Variants in RPS6KB2 observed in about 807,000 individuals in gnomAD.
The protein encoded by RPS6KB2 is ribosomal protein S6 kinase B2.
Under a neutral mutation model 58.2 loss-of-function variants are expected in RPS6KB2, and 51 were observed. The observed-to-expected ratio is 0.88, with a 90% CI of 0.70 to 1.11. The LOEUF is 1.11. Ranked by LOEUF, RPS6KB2 falls within the 50% of genes least tolerant of loss-of-function variation. The probability of loss-of-function intolerance (pLI) is 0.00; values close to 1 mark genes in which losing one functional copy is unlikely to be tolerated. For missense variants in RPS6KB2, 671 were observed against 655.8 expected, an observed-to-expected ratio of 1.02 and a Z score of -0.25; for synonymous variants, 293 against 258.6, an observed-to-expected ratio of 1.13 and a Z score of -1.28.
rs551837889 is a variant in RPS6KB2, at chr11:67,431,092, G to C, written c.310-276G>C. On this transcript the variant is annotated intron_variant, in intron 4 of 14. Transcript: ENST00000312629. Reference sequence around the variant, plus strand: ...TCTGTCACCCAGGCTGGAGTGCAGTGGCGTGATCTCAGCTCACTGCAACCT... The same window carrying C: ...TCTGTCACCCAGGCTGGAGTGCAGTCGCGTGATCTCAGCTCACTGCAACCT... 1.3e-5 allele frequency: 3 copies of C among 230,364 alleles called. No homozygotes were observed. The East Asian group carries it at 3.1e-4, about 24-fold the overall frequency. The allele number at this position is 230,364 out of a possible 1,614,324, so 14.3% of individuals were successfully genotyped here.
In RPS6KB2 at chr11:67,434,568, C is replaced by T. The variant is rs756647984; in HGVS notation, c.1156-14C>T. The T allele has an allele frequency of 6.3e-7, 1 of 1,597,968 alleles. No homozygotes were observed. Among genetic ancestry groups the T allele is most frequent in the Non-Finnish European group, 8.5e-7 (1 of 1,172,762 alleles). On this transcript the variant is annotated splice_polypyrimidine_tract_variant and intron_variant, in intron 13 of 14. Transcript: ENST00000312629. ...AGGCACTGAGTGTCGCATGGCCCTG[C>T]CTCCGCCCCCCAGGGCTTCACATAC... is the stretch of plus-strand genomic sequence containing the variant.
At chr11:67,431,029 A>ATTTT (rs60580998) in intron 4 of RPS6KB2, 5 of 128,642 alleles carry the variant, frequency 3.9e-5, no homozygotes, top group South Asian at 1.9e-4. Context: ...GGTTGCCCCC[A>ATTTT]TTTTTTTTTT....
Position 67,435,040 on chromosome 11 carries a change from G to A in RPS6KB2, c.1320G>A (p.Pro440=), listed in dbSNP as rs770326531. 65 of 1,613,114 alleles carry A rather than the reference G, an allele frequency of 4.0e-5. 1 individual carries two copies. The South Asian group carries it at 4.7e-4, about 12-fold the overall frequency. Residue 440 remains proline, a synonymous_variant, in exon 15 of 15, where the codon CCG becomes CCA. Coordinates refer to ENST00000312629, the MANE Select transcript of RPS6KB2 (RefSeq NM_003952.3). ...GGTTTCGGCCCAGCCCCAGCCTGCC[G>A]GAGCCCACGGAGCTACCTCTACCTC... is the stretch of plus-strand genomic sequence containing the variant. The part of the protein sequence containing the change: ...FEGFRPSPSL[P]EPTELPLPPL...
In RPS6KB2 at chr11:67,434,257, C is replaced by G; in HGVS notation, c.1029C>G (p.Pro343=). The G allele has an allele frequency of 2.5e-6, 4 of 1,613,626 alleles. No individual in the cohort carries two copies. In the South Asian group the frequency reaches 4.4e-5, roughly 18 times the overall value. The change falls in exon 12 of 15, where the codon CCC becomes CCG. Residue 343 remains proline, a synonymous_variant. Transcript: ENST00000312629. ...ACCTTCTGGCCTGGCGTGTGGACCC[C>G]CCTTTCAGGCCCTGTCTGGTGAGCA... is the stretch of plus-strand genomic sequence containing the variant. The part of the protein sequence containing the change: ...WDDLLAWRVD[P]PFRPCLQSEE...
In RPS6KB2 at chr11:67,434,214, G is replaced by A. The variant is rs536484524; in HGVS notation, c.986G>A (p.Arg329Gln). 4.3e-5 allele frequency: 70 copies of A among 1,613,982 alleles called. No homozygotes were observed. Among genetic ancestry groups the A allele is most frequent in the East Asian group, 6.7e-5 (3 of 44,882 alleles). Residue 329 changes from arginine (R) to glutamine (Q), a missense_variant, in exon 12 of 15, where the codon CGG (arginine) becomes CAG (glutamine). By Grantham distance (43) the Arg-to-Gln change is conservative. Transcript: ENST00000312629. ...AADVQRHPFF[R>Q]HMNWDDLLAW... ...TACCTACAGAGACATCCCTTTTTCC[G>A]GCACATGAATTGGGACGACCTTCTG...
intron 4 of RPS6KB2, 199 bp downstream of exon 4, chr11:67,429,794 C>A (rs949749775): frequency 2.4e-5 from 14 of 582,218 alleles, no homozygotes; most frequent in Non-Finnish European, 3.7e-5. Flanking sequence ...AGACATTTGA[C>A]AACAGTGTCT....
intron 3 of RPS6KB2, 87 bp from the exon 4 acceptor site, chr11:67,429,440 C>A (rs914963968): frequency 4.1e-6 from 6 of 1,453,838 alleles, no homozygotes; most frequent in Non-Finnish European, 4.8e-6. Context: ...CCTAGGCCTC[C>A]TGATCCCAAA....
Position 67,433,437 on chromosome 11 carries a change from T to G in RPS6KB2, c.896T>G (p.Leu299Arg). Residue 299 changes from leucine to arginine, a missense_variant, in exon 10 of 15, where the codon CTT (leucine) becomes CGT (arginine). Coordinates refer to ENST00000312629, the MANE Select transcript of RPS6KB2 (RefSeq NM_003952.3). ...PPYLTPDARD[L>R]VKKFLKRNPS... ...TACCTCACCCCAGATGCCCGGGACC[T>G]TGTCAAAAAGGTGCAGCTCCCTTCT... 4.3e-6 allele frequency: 7 copies of G among 1,611,588 alleles called. No individual in the cohort carries two copies. The highest frequency in any genetic ancestry group is 5.1e-6 in the Non-Finnish European group (6 of 1,177,898).
In RPS6KB2 at chr11:67,435,102, C is replaced by T. The variant is rs200313021; in HGVS notation, c.1382C>T (p.Pro461Leu). ...LPPPPPSTTAPLPIRPPSGTK... is the reference protein window; with the variant it reads ...LPPPPPSTTALLPIRPPSGTK... The stretch of plus-strand genomic sequence containing the variant: ...CCGCCGCCGCCCTCGACCACCGCCC[C>T]TCTCCCCATCCGTCCCCCCTCAGGG... The change falls in exon 15 of 15, where the codon CCT becomes CTT. Residue 461 changes from proline to leucine, a missense_variant. Transcript: ENST00000312629. 340 of 1,608,404 alleles carry T rather than the reference C, an allele frequency of 2.1e-4. 1 individual carries two copies. The Admixed American group carries it at 2.6e-3, about 12-fold the overall frequency.
At position 67,432,740 on chromosome 11, in the gene RPS6KB2, C is replaced by T. The variant is rs371735596; in HGVS notation, c.519C>T (p.Phe173=). The T allele has an allele frequency of 6.2e-7, 1 of 1,614,182 alleles. No individual in the cohort carries two copies. Among genetic ancestry groups the T allele is most frequent in the South Asian group, 1.1e-5 (1 of 91,086 alleles). ...TCACCCTGTCTTGTTTCTGCAGCTT[C>T]TACCTGGCTGAGATCACGCTGGCCC... ...EGIFLEDTAC[F]YLAEITLALG... Residue 173 remains phenylalanine, a synonymous_variant, in exon 7 of 15, where the codon TTC becomes TTT. Transcript: ENST00000312629.
chr11:67,432,707 T>C (rs753139717), intron 6 of RPS6KB2, 30 bp from the exon 7 acceptor site: 1 of 1,613,786 alleles, frequency 6.2e-7, no homozygotes, highest in African/African-American at 1.3e-5. Flanking sequence ...CCTGCTCTAC[T>C]CCCGCCTTCA....
intron 5 of RPS6KB2, 77 bp downstream of exon 5, chr11:67,431,592 A>C (rs530870305): frequency 6.8e-7 from 1 of 1,473,990 alleles, no homozygotes; most frequent in East Asian, 2.3e-5. Flanking sequence ...TCTGGGGGGA[A>C]GCTCTTGAGA....
At chr11:67,432,351 A>G (rs1051662136) in intron 5 of RPS6KB2, 11 of 679,372 alleles carry the variant, frequency 1.6e-5, no homozygotes, top group Non-Finnish European at 3.0e-5. Flanking sequence ...CTGTCTCCCC[A>G]GTAGACTGAG....
rs1864082297 is a variant in RPS6KB2, at chr11:67,432,856, G to A, written c.616+19G>A. ...AGCCAGGGTGCGCATGTGTGTGCGG[G>A]CAGCTGCAGGCGGGGTCTGCAATCT... On this transcript the variant is annotated intron_variant, in intron 7 of 14. Coordinates refer to ENST00000312629, the MANE Select transcript of RPS6KB2 (RefSeq NM_003952.3). The A allele has an allele frequency of 6.2e-7, 1 of 1,611,488 alleles. No individual in the cohort carries two copies. Among genetic ancestry groups the A allele is most frequent in the Non-Finnish European group, 8.5e-7 (1 of 1,178,292 alleles).
chr11:67,432,217 C>A (rs1007248181), intron 5 of RPS6KB2: 1 of 458,736 alleles, frequency 2.2e-6, no homozygotes, highest in Non-Finnish European at 4.3e-6. Context: ...CAGCAAACCG[C>A]GCTTTCTCTG....
chr11:67,432,962 A>T lies in RPS6KB2; in HGVS notation c.627A>T (p.Lys209Asn). 1.9e-6 allele frequency: 3 copies of T among 1,613,282 alleles called. No homozygotes were observed. Among genetic ancestry groups the T allele is most frequent in the Non-Finnish European group, 2.5e-6 (3 of 1,180,000 alleles). ...AACACCCTTCCTCAGGCCACATCAA[A>T]CTGACCGACTTTGGACTCTGCAAGG... ...NIMLSSQGHI[K>N]LTDFGLCKES... is the part of the protein sequence containing the mutation. The change falls in exon 8 of 15, where the codon AAA becomes AAT. Residue 209 changes from lysine (K) to asparagine (N), a missense_variant. Physicochemically the swap from Lys to Asn is moderately conservative, Grantham distance 94. Transcript: ENST00000312629.
At chr11:67,431,954 T>C in intron 5 of RPS6KB2, 1 of 262,070 alleles carries the variant, frequency 3.8e-6, no homozygotes, top group Non-Finnish European at 7.5e-6. Flanking sequence ...GGCTGAGGCC[T>C]CCCGCTCACC....
intron 5 of RPS6KB2, 36 bp downstream of exon 5, chr11:67,431,551 C>T (rs1413858451): frequency 1.0e-5 from 16 of 1,578,774 alleles, no homozygotes; most frequent in Non-Finnish European, 1.3e-5. Context: ...TGCTGGGGGT[C>T]GCGGGGGGGC....
chr11:67,428,786 C>T (rs1863925183), intron 1 of RPS6KB2, 163 bp downstream of exon 1: 3 of 902,470 alleles, frequency 3.3e-6, no homozygotes, highest in East Asian at 5.3e-5. Context: ...ACCCTCACCC[C>T]GACCTCTCTT....
Sources: gnomAD v4.1 joint callset for allele counts on GRCh38, gnomAD v4.1.1 for gene constraint, MANE v1.5 for transcripts, NCBI Gene and HGNC (gene_info 2026-07-23, HGNC 2026-07-21) for gene names.